Variants in PLXNA4 observed in about 807,000 individuals in gnomAD.
PLXNA4 encodes the protein plexin-A4.
A neutral mutation model predicts 191.8 loss-of-function variants in PLXNA4; 44 were observed. The ratio of observed to expected loss-of-function variants is 0.23; its 90% CI spans 0.18 to 0.29. The LOEUF is 0.29. Ranked by LOEUF, PLXNA4 falls within the 10% of genes least tolerant of loss-of-function variation. The probability of loss-of-function intolerance (pLI) is 1.00; values close to 1 mark genes in which losing one functional copy is unlikely to be tolerated. For missense variants in PLXNA4, 1,800 were observed against 2,488.8 expected (o/e 0.72, Z 5.89); for synonymous variants, 1,082 against 1,009.5 (o/e 1.07, Z -1.36).
At chr7:132,347,116 C>G (rs1803273813) in intron 3 of PLXNA4, among the ~76,000 whole-genome samples, 2 of 152,264 alleles carry the variant, frequency 1.3e-5, no homozygotes, top group South Asian at 4.1e-4. Flanking sequence ...AATAGAAAAA[C>G]TGCCTGGATT....
At chr7:132,381,578 A>G (rs928374568) in intron 3 of PLXNA4, among the ~76,000 whole-genome samples, 9 of 152,240 alleles carry the variant, frequency 5.9e-5, no homozygotes, top group African/African-American at 2.2e-4. Context: ...TTCAAGTGAC[A>G]TTCCAGTTGC....
At chr7:132,445,696 C>T (rs1327799776) in intron 3 of PLXNA4, among the ~76,000 whole-genome samples, 1 of 152,074 alleles carries the variant, frequency 6.6e-6, no homozygotes, top group Non-Finnish European at 1.5e-5. Flanking sequence ...CTTCCCTGTA[C>T]AGAAAAATAA....
chr7:132,491,372 T>C (rs1344582681), intron 2 of PLXNA4, among the ~76,000 whole-genome samples: 3 of 152,202 alleles, frequency 2.0e-5, no homozygotes, highest in Admixed American at 6.5e-5. Context: ...AGCAGGCTCC[T>C]CCACTCCCTC....
chr7:132,138,463 G>A (rs954962965), intron 30 of PLXNA4, among the ~76,000 whole-genome samples: 4 of 152,156 alleles, frequency 2.6e-5, no homozygotes, highest in African/African-American at 7.2e-5. Flanking sequence ...AGGCAAGCTC[G>A]GAGGATACCT....
chr7:132,550,458 G>T (rs75616179), intron 1 of PLXNA4, among the ~76,000 whole-genome samples: 1,787 of 152,290 alleles, frequency 0.012, 36 homozygotes, highest in African/African-American at 0.041. Flanking sequence ...TTCCAGGCTA[G>T]GATTAACAGG....
intron 2 of PLXNA4, among the ~76,000 whole-genome samples, chr7:132,626,947 C>T (rs1227037134): frequency 6.6e-6 from 1 of 152,184 alleles, no homozygotes. Flanking sequence ...CCCAAGGACC[C>T]TCCTTAATAA....
At chr7:132,447,022 A>G (rs1403600036) in intron 3 of PLXNA4, among the ~76,000 whole-genome samples, 2 of 152,176 alleles carry the variant, frequency 1.3e-5, no homozygotes, top group East Asian at 3.9e-4. Context: ...GTTATATTAG[A>G]ATTGCAAACA....
At chr7:132,400,012 A>G (rs1793921309) in intron 3 of PLXNA4, among the ~76,000 whole-genome samples, 1 of 152,192 alleles carries the variant, frequency 6.6e-6, no homozygotes, top group Admixed American at 6.5e-5. Context: ...TCTTCTGGGC[A>G]TTTGTAAGTT....
chr7:132,393,101 G>A (rs1001611295), intron 3 of PLXNA4, among the ~76,000 whole-genome samples: 1 of 150,712 alleles, frequency 6.6e-6, no homozygotes, highest in Non-Finnish European at 1.5e-5. Context: ...TTCTCATGCT[G>A]TTCCTCATCC....
intron 3 of PLXNA4, among the ~76,000 whole-genome samples, chr7:132,389,586 G>A (rs1805310691): frequency 6.6e-6 from 1 of 152,158 alleles, no homozygotes; most frequent in Non-Finnish European, 1.5e-5. Flanking sequence ...GTAGATGTGT[G>A]GAATTGTTTC....
chr7:132,502,365 A>G (rs1384496687), intron 2 of PLXNA4, among the ~76,000 whole-genome samples: 1 of 152,168 alleles, frequency 6.6e-6, no homozygotes, highest in Non-Finnish European at 1.5e-5. Flanking sequence ...TTGGGTTAAA[A>G]AGAAACAGCT....
chr7:132,493,592 G>A (rs1417337259), intron 2 of PLXNA4, among the ~76,000 whole-genome samples: 2 of 152,138 alleles, frequency 1.3e-5, no homozygotes, highest in Non-Finnish European at 2.9e-5. Context: ...GTGCTCCAAG[G>A]ACTATGAGCT....
chr7:132,637,283 G>A (rs142678170), intron 2 of PLXNA4, among the ~76,000 whole-genome samples: 8 of 152,122 alleles, frequency 5.3e-5, no homozygotes, highest in East Asian at 3.9e-4. Flanking sequence ...TGATCTCAAC[G>A]TGATGGCCCT....
intron 3 of PLXNA4, among the ~76,000 whole-genome samples, chr7:132,369,166 C>A (rs1048735763): frequency 6.6e-6 from 1 of 152,150 alleles, no homozygotes; most frequent in African/African-American, 2.4e-5. Flanking sequence ...CAAGACAGCT[C>A]CTTTCAACTT....
intron 1 of PLXNA4, among the ~76,000 whole-genome samples, chr7:132,521,663 C>T (rs143178810): frequency 1.1e-4 from 16 of 152,294 alleles, no homozygotes; most frequent in African/African-American, 3.9e-4. Context: ...GCCAGCAACA[C>T]CTGGGCAAGG....
chr7:132,479,808 C>T (rs1797270092), intron 3 of PLXNA4, among the ~76,000 whole-genome samples: 1 of 152,032 alleles, frequency 6.6e-6, no homozygotes, highest in Non-Finnish European at 1.5e-5. Context: ...TACCATCATT[C>T]CCAGCTAATT....
At chr7:132,270,760 T>A (rs1171571202) in intron 4 of PLXNA4, among the ~76,000 whole-genome samples, 1 of 152,230 alleles carries the variant, frequency 6.6e-6, no homozygotes, top group African/African-American at 2.4e-5. Context: ...CCAAAGAATT[T>A]TATCATTTAA....
intron 3 of PLXNA4, among the ~76,000 whole-genome samples, chr7:132,424,287 C>T (rs10247037): frequency 0.019 from 2,940 of 152,308 alleles, 23 homozygotes; most frequent in Middle Eastern, 0.058. Context: ...TGCTCCATCT[C>T]TGAGCAACTT....
At chr7:132,450,568 T>C (rs1404036489) in intron 3 of PLXNA4, among the ~76,000 whole-genome samples, 1 of 152,178 alleles carries the variant, frequency 6.6e-6, no homozygotes, top group Non-Finnish European at 1.5e-5. Context: ...CTCCAACTCC[T>C]TGGTCACTCA....
Sources: gnomAD v4.1 joint callset for allele counts (sites outside exome capture counted in the v4.1 genomes callset) on GRCh38, gnomAD v4.1.1 for gene constraint, MANE v1.5 for transcripts, NCBI Gene and HGNC (gene_info 2026-07-23, HGNC 2026-07-21) for gene names.